Variants in STPG2 observed in about 807,000 individuals in gnomAD.
The protein encoded by STPG2 is sperm tail PG-rich repeat containing 2.
A neutral mutation model predicts 54.2 loss-of-function variants in STPG2; 56 were observed. The ratio of observed to expected loss-of-function variants is 1.03; its 90% CI spans 0.83 to 1.29. STPG2 has a LOEUF of 1.29. STPG2 is among the 50% of genes most tolerant of loss of function. The pLI is 0.00. For missense variants in STPG2, 596 were observed against 544.9 expected (o/e 1.09, Z -0.93); for synonymous variants, 200 against 181.8 (o/e 1.10, Z -0.81).
In STPG2 at chr4:98,029,146, G is replaced by A. The variant is rs145407177; in HGVS notation, c.613-47828C>T. On this transcript the variant is annotated intron_variant, in intron 5 of 10. Transcript: ENST00000295268. ...GTTCTATGTGCATGTAGAAATATGC[G>A]TATTATGCATATTTAAACATATTGG... 2.2e-3 allele frequency among the ~76,000 whole-genome samples: 342 copies of A among 152,098 alleles called. 2 individuals are homozygous for A. The highest frequency in any genetic ancestry group is 1.2e-3 in the South Asian group (6 of 4,814).
At chr4:97,735,677 T>A (rs1283931370) in intron 9 of STPG2, among the ~76,000 whole-genome samples, 1 of 150,346 alleles carries the variant, frequency 6.7e-6, no homozygotes, top group Non-Finnish European at 1.5e-5. Flanking sequence ...TATATAAGGA[T>A]ACATGTATAT....
At chr4:98,128,354 C>T (rs1189597744) in intron 3 of STPG2, 74 bp downstream of exon 3, 2 of 1,287,416 alleles carry the variant, frequency 1.6e-6, no homozygotes, top group Non-Finnish European at 1.0e-6. Context: ...GAGAAATAAG[C>T]CAGGAAAAAA....
At chr4:97,890,676 AG>A (rs1275990821) in intron 8 of STPG2, among the ~76,000 whole-genome samples, 1 of 151,942 alleles carries the variant, frequency 6.6e-6, no homozygotes, top group Non-Finnish European at 1.5e-5. Flanking sequence ...AACAGCTAAA[AG>A]AAGAGTTGGA....
chr4:97,985,944 AC>A (rs2149266067), intron 5 of STPG2, among the ~76,000 whole-genome samples: 1 of 136,410 alleles, frequency 7.3e-6, no homozygotes, highest in East Asian at 2.2e-4. Flanking sequence ...ACGTGAGCGC[AC>A]ACAAACACAC....
At chr4:97,569,628 T>C (rs899365939) in intron 10 of STPG2, among the ~76,000 whole-genome samples, 1 of 152,122 alleles carries the variant, frequency 6.6e-6, no homozygotes, top group African/African-American at 2.4e-5. Context: ...ACAAGTAAAG[T>C]AGAAGGGAGG....
chr4:97,498,215 C>T (rs10516424), intron 4 of STPG2, among the ~76,000 whole-genome samples: 8 of 151,830 alleles, frequency 5.3e-5, no homozygotes, highest in African/African-American at 1.2e-4. Flanking sequence ...GTTTTTATTT[C>T]GGATGCAAAC....
intron 10 of STPG2, among the ~76,000 whole-genome samples, chr4:97,639,326 A>G (rs576760983): frequency 6.7e-5 from 10 of 148,392 alleles, no homozygotes; most frequent in Middle Eastern, 3.4e-3. Context: ...GGGGAACATC[A>G]CACTCTGGGG....
At chr4:97,724,510 G>A (rs534095431) in intron 9 of STPG2, among the ~76,000 whole-genome samples, 1 of 152,048 alleles carries the variant, frequency 6.6e-6, no homozygotes, top group East Asian at 1.9e-4. Context: ...TTACTCTTTT[G>A]AAAATGATCA....
chr4:98,084,787 G>C (rs954836461), intron 5 of STPG2, among the ~76,000 whole-genome samples: 4 of 152,072 alleles, frequency 2.6e-5, no homozygotes, highest in African/African-American at 7.2e-5. Context: ...CAAATATTTT[G>C]CCTGTTTTTA....
chr4:98,094,364 G>C (rs1249336937), intron 5 of STPG2, among the ~76,000 whole-genome samples: 1 of 151,242 alleles, frequency 6.6e-6, no homozygotes, highest in Non-Finnish European at 1.5e-5. Flanking sequence ...GTGATAACTA[G>C]GGAGTTTGCC....
At chr4:97,880,140 C>T (rs551970521) in intron 8 of STPG2, among the ~76,000 whole-genome samples, 1 of 152,246 alleles carries the variant, frequency 6.6e-6, no homozygotes, top group Admixed American at 6.5e-5. Flanking sequence ...GAAATTCTGT[C>T]ATTCATTATA....
chr4:97,929,883 C>A (rs1732477493), intron 8 of STPG2, among the ~76,000 whole-genome samples: 2 of 151,988 alleles, frequency 1.3e-5, no homozygotes, highest in Non-Finnish European at 1.5e-5. Context: ...TTAATCAAAT[C>A]CCATCTTCCA....
At position 97,968,526 on chromosome 4, in the gene STPG2, A is replaced by G. The variant is rs188449392; in HGVS notation, c.933+3754T>C. Among the ~76,000 whole-genome samples the G allele has an allele frequency of 4.2e-3, 645 of 152,324 alleles. 2 individuals carry two copies. The highest frequency in any genetic ancestry group is 0.014 in the Middle Eastern group (4 of 294). Reference sequence around the variant, plus strand: ...CAATATCCCTGATGAACATCAATGTAAAAATCCTCAGTAAAATACTGGCAA... The same window carrying G: ...CAATATCCCTGATGAACATCAATGTGAAAATCCTCAGTAAAATACTGGCAA... On this transcript the variant is annotated intron_variant, in intron 7 of 10. Coordinates refer to ENST00000295268, the MANE Select transcript of STPG2 (RefSeq NM_174952.3).
chr4:98,016,206 C>T (rs11735105), intron 5 of STPG2, among the ~76,000 whole-genome samples: 59,941 of 151,776 alleles, frequency 0.39, 12,056 homozygotes, highest in Middle Eastern at 0.46. Flanking sequence ...TAAAGTACAA[C>T]TAAAAACAGA....
chr4:97,732,538 A>G (rs550269464), intron 9 of STPG2, among the ~76,000 whole-genome samples: 1 of 152,310 alleles, frequency 6.6e-6, no homozygotes, highest in Admixed American at 6.5e-5. Flanking sequence ...TAAGACCCCA[A>G]AAACAAATGC....
intron 10 of STPG2, among the ~76,000 whole-genome samples, chr4:97,703,628 T>A (rs1457918682): frequency 7.2e-6 from 1 of 139,400 alleles, no homozygotes; most frequent in Non-Finnish European, 1.5e-5. Flanking sequence ...ACTATATATA[T>A]TATATATATA....
chr4:98,021,265 T>C (rs1336126499), intron 5 of STPG2, among the ~76,000 whole-genome samples: 2 of 123,568 alleles, frequency 1.6e-5, no homozygotes, highest in Admixed American at 1.5e-4. Context: ...TCTGCCTTCA[T>C]TTTGTTATTT....
intron 7 of STPG2, among the ~76,000 whole-genome samples, chr4:97,948,670 C>T (rs934999091): frequency 6.6e-6 from 1 of 152,044 alleles, no homozygotes; most frequent in Admixed American, 6.6e-5. Context: ...ATTTTTAACA[C>T]AAAAATCATT....
chr4:97,811,417 T>C (rs1335025839), intron 9 of STPG2, among the ~76,000 whole-genome samples: 1 of 152,178 alleles, frequency 6.6e-6, no homozygotes, highest in Non-Finnish European at 1.5e-5. Context: ...AGCAAACATT[T>C]TTATTTTTTA....
Sources: gnomAD v4.1 joint callset for allele counts (sites outside exome capture counted in the v4.1 genomes callset) on GRCh38, gnomAD v4.1.1 for gene constraint, MANE v1.5 for transcripts, NCBI Gene and HGNC (gene_info 2026-07-23, HGNC 2026-07-21) for gene names.